The following ANK2 variants were observed in gnomAD, a reference collection of about 807,000 sequenced individuals.
ANK2 encodes ankyrin 2.
ANK2 carries 83 observed loss-of-function variants against 360.5 expected under a neutral mutation model. The ratio of observed to expected loss-of-function variants is 0.23; its 90% CI spans 0.19 to 0.28. The LOEUF (loss-of-function observed/expected upper bound fraction) is 0.28. ANK2 is among the 10% of genes least tolerant of loss of function. The pLI is 1.00. For synonymous variants in ANK2, 1,740 were observed against 1,759.5 expected (o/e 0.99, Z 0.28); for missense variants, 4,201 against 4,795.7 (o/e 0.88, Z 3.66).
At chr4:113,140,152 G>T (rs949095910) in intron 1 of ANK2, among the ~76,000 whole-genome samples, 1 of 152,166 alleles carries the variant, frequency 6.6e-6, no homozygotes, top group African/African-American at 2.4e-5. Context: ...ATAGCATGCT[G>T]CCTTGCTTAT....
intron 1 of ANK2, among the ~76,000 whole-genome samples, chr4:113,112,943 T>C (rs1258662588): frequency 1.3e-5 from 2 of 152,158 alleles, no homozygotes; most frequent in African/African-American, 4.8e-5. Context: ...TCTATTATAT[T>C]ATGAGCAAGC....
At chr4:113,169,483 C>T (rs1416544451) in intron 1 of ANK2, among the ~76,000 whole-genome samples, 1 of 152,170 alleles carries the variant, frequency 6.6e-6, no homozygotes, top group Non-Finnish European at 1.5e-5. Context: ...AAAGGAATGA[C>T]TGCTTCCTAA....
chr4:113,154,516 T>C (rs180772663), intron 1 of ANK2, among the ~76,000 whole-genome samples: 24 of 152,302 alleles, frequency 1.6e-4, no homozygotes, highest in Admixed American at 1.6e-3. Flanking sequence ...AAATGTCACA[T>C]AGCACATGAG....
At chr4:112,853,673 G>A (rs951494307) in intron 1 of ANK2, among the ~76,000 whole-genome samples, 7 of 152,132 alleles carry the variant, frequency 4.6e-5, no homozygotes, top group Non-Finnish European at 8.8e-5. Flanking sequence ...AAGCTTTATT[G>A]TTCTTAAATT....
At position 113,356,894 on chromosome 4, in the gene ANK2, A is replaced by T. The variant is rs1282420256; in HGVS notation, c.8276A>T (p.Tyr2759Phe). 1.9e-6 allele frequency: 3 copies of T among 1,613,952 alleles called. No homozygotes were observed. Residue 2759 changes from tyrosine (Y) to phenylalanine (F), a missense_variant, in exon 38 of 46, where the codon TAT (tyrosine) becomes TTT (phenylalanine). Around this residue, in one of 4 missense-constraint regions of ANK2, gnomAD observed 2,642 missense variants for 2,714.5 expected, o/e 0.97. Transcript: ENST00000357077. ...AVSTEAEDRS[Y>F]DKLNRDTDQP... ...TCCACTGAGGCTGAAGACAGGTCTT[A>T]TGATAAGCTAAACAGAGACACTGAT...
intron 2 of ANK2, among the ~76,000 whole-genome samples, chr4:112,951,843 A>G (rs1216828401): frequency 1.3e-5 from 2 of 152,238 alleles, no homozygotes; most frequent in African/African-American, 2.4e-5. Flanking sequence ...TAAATAGCTA[A>G]TTGATTATAA....
At chr4:112,884,778 A>G (rs1423908782) in intron 1 of ANK2, among the ~76,000 whole-genome samples, 1 of 152,212 alleles carries the variant, frequency 6.6e-6, no homozygotes, top group Non-Finnish European at 1.5e-5. Context: ...TAATCCAAAA[A>G]TCAGCTTAAT....
intron 45 of ANK2, among the ~76,000 whole-genome samples, chr4:113,375,618 G>A (rs969767300): frequency 3.3e-5 from 5 of 152,004 alleles, no homozygotes; most frequent in East Asian, 1.9e-4. Context: ...CCAGCTACTC[G>A]GGAGGCTGAG....
intron 1 of ANK2, among the ~76,000 whole-genome samples, chr4:113,080,150 C>T (rs1032203622): frequency 6.6e-6 from 1 of 152,244 alleles, no homozygotes; most frequent in South Asian, 2.1e-4. Flanking sequence ...CCGCCTGCCT[C>T]GGCCTGTCAC....
At chr4:113,019,685 T>C (rs2057554559) in intron 2 of ANK2, among the ~76,000 whole-genome samples, 1 of 152,192 alleles carries the variant, frequency 6.6e-6, no homozygotes, top group African/African-American at 2.4e-5. Flanking sequence ...TTTCAGTACT[T>C]CCCAGAATCT....
chr4:113,117,417 A>T (rs146274813), intron 1 of ANK2: 1 of 456,266 alleles, frequency 2.2e-6, no homozygotes, highest in Non-Finnish European at 4.4e-6. Context: ...CGAAAAAGAA[A>T]GGTATGAGGA....
At chr4:112,881,947 A>G in intron 1 of ANK2, 1 of 640,928 alleles carries the variant, frequency 1.6e-6, no homozygotes, top group Non-Finnish European at 2.9e-6. Flanking sequence ...GCTGCCATCT[A>G]CCTCCTCCAC....
intron 4 of ANK2, among the ~76,000 whole-genome samples, chr4:113,215,476 A>C (rs1312417495): frequency 6.6e-6 from 1 of 152,178 alleles, no homozygotes; most frequent in East Asian, 1.9e-4. Context: ...GTTGAGAACA[A>C]TATTGCCCAA....
chr4:113,294,760 T>C (rs1261098326), intron 22 of ANK2, among the ~76,000 whole-genome samples: 1 of 152,250 alleles, frequency 6.6e-6, no homozygotes, highest in Non-Finnish European at 1.5e-5. Context: ...ACAATATTTT[T>C]AAAGATTTAA....
chr4:112,957,967 G>A (rs2031534429), intron 2 of ANK2, among the ~76,000 whole-genome samples: 2 of 150,516 alleles, frequency 1.3e-5, no homozygotes, highest in South Asian at 4.2e-4. Context: ...GGGCGGCGGG[G>A]CAGAGGCGCT....
upstream of ANK2, among the ~76,000 whole-genome samples, chr4:112,817,616 A>G (rs1240778993): frequency 6.6e-6 from 1 of 151,914 alleles, no homozygotes; most frequent in Non-Finnish European, 1.5e-5. Flanking sequence ...ACCACCTACC[A>G]ATATTTTATG....
In ANK2 at chr4:112,905,754, C is replaced by T. The variant is rs534376279; in HGVS notation, c.21+1240C>T. 3.3e-5 allele frequency among the ~76,000 whole-genome samples: 5 copies of T among 152,276 alleles called. No individual in the cohort carries two copies. In the East Asian group the frequency reaches 5.8e-4, roughly 18 times the overall value. On this transcript the variant is annotated intron_variant, in intron 2 of 30. Transcript: ENST00000503271. ...ATGGCTCAGTGCAGCCTCCACCTTC[C>T]GGGCTCAAGTGATCCTCCCACCTCA...
the ANK2 span, among the ~76,000 whole-genome samples, chr4:112,707,111 G>C: frequency 1.3e-5 from 2 of 152,182 alleles, no homozygotes; most frequent in Admixed American, 6.5e-5. Flanking sequence ...CTTTACCGAA[G>C]AGAATTGGAT....
chr4:112,912,389 G>A lies in ANK2; in HGVS notation c.21+7875G>A, dbSNP rs138929321. Among the ~76,000 whole-genome samples the A allele has an allele frequency of 7.9e-5, 12 of 152,062 alleles. No individual in the cohort carries two copies. In the East Asian group the frequency reaches 1.2e-3, roughly 15 times the overall value. On this transcript the variant is annotated intron_variant, in intron 2 of 30. Transcript: ENST00000503271. ...CCTGATAAAACATATTACTTTAGAA[G>A]CCATTTATTCCTACTTAAAAGTTCC...
Sources: allele counts gnomAD v4.1 joint callset (sites outside exome capture counted in the v4.1 genomes callset), GRCh38; gene constraint gnomAD v4.1.1; regional missense constraint gnomAD v4.1.1; transcripts MANE v1.5; gene names NCBI Gene and HGNC (gene_info 2026-07-23, HGNC 2026-07-21).